Variants in PPME1 observed in about 807,000 individuals in gnomAD.
PPME1 encodes testicular secretory protein Li 39.
PPME1 carries 17 observed loss-of-function variants against 56.9 expected under a neutral mutation model. That is an observed-to-expected ratio of 0.30 (90% confidence interval 0.20 to 0.45). The LOEUF is 0.45. PPME1 is among the 20% of genes least tolerant of loss of function. PPME1 has a pLI of 1.00. For synonymous variants in PPME1, 122 were observed against 156.2 expected (o/e 0.78, Z 1.63); for missense variants, 357 against 483.2 (o/e 0.74, Z 2.45).
chr11:74,249,665 T>C (rs1270182227), intron 11 of PPME1: 1 of 152,172 alleles, frequency 6.6e-6, no homozygotes, highest in African/African-American at 2.4e-5. Flanking sequence ...TTAGGTCTTA[T>C]TAGGGATATA....
At position 74,200,413 on chromosome 11, in the gene PPME1, G is replaced by A. The variant is rs908662335; in HGVS notation, c.102-3315G>A. Among the ~76,000 whole-genome samples, 3 of 139,392 alleles carry A rather than the reference G, an allele frequency of 2.2e-5. No homozygotes were observed. In the Admixed American group the frequency reaches 2.2e-4, roughly 10 times the overall value. The allele number at this position is 139,392 out of a possible 152,430, so 91.4% of individuals were successfully genotyped here. A position where few individuals can be genotyped will look rare whatever the true frequency, so the allele number is the denominator to read the frequency against. Reference sequence around the variant, plus strand: ...TGTGTGTGTGTGTGGACGAAGTCTCGCTCTGTCACCCAGGCTGGAGGGCAG... The same window carrying A: ...TGTGTGTGTGTGTGGACGAAGTCTCACTCTGTCACCCAGGCTGGAGGGCAG... On this transcript the variant is annotated intron_variant, in intron 1 of 13. Transcript: ENST00000328257.
intron 3 of PPME1, among the ~76,000 whole-genome samples, chr11:74,219,741 A>G (rs1261630531): frequency 6.6e-6 from 1 of 152,100 alleles, no homozygotes; most frequent in African/African-American, 2.4e-5. Flanking sequence ...GGCTGGGAAC[A>G]GTAGTGGATG....
intron 3 of PPME1, among the ~76,000 whole-genome samples, chr11:74,214,313 T>C (rs1418047926): frequency 2.0e-5 from 3 of 152,034 alleles, no homozygotes; most frequent in Admixed American, 6.6e-5. Context: ...ACAAAAACAA[T>C]GCAGCACACC....
intron 7 of PPME1, among the ~76,000 whole-genome samples, chr11:74,231,329 C>T (rs1859062117): frequency 6.6e-6 from 1 of 152,242 alleles, no homozygotes. Context: ...AATCAAATTC[C>T]TGGCCTCAAG....
chr11:74,189,019 A>G (rs1857764915), intron 1 of PPME1, among the ~76,000 whole-genome samples: 1 of 152,216 alleles, frequency 6.6e-6, no homozygotes, highest in Admixed American at 6.5e-5. Flanking sequence ...CCTACAAGTA[A>G]CTATTTTCAT....
At chr11:74,251,896 C>G in intron 13 of PPME1, 181 bp downstream of exon 13, 1 of 853,034 alleles carries the variant, frequency 1.2e-6, no homozygotes, top group East Asian at 2.4e-5. Context: ...TTGGTTGTTT[C>G]TTTGTGCTGT....
intron 3 of PPME1, among the ~76,000 whole-genome samples, chr11:74,221,891 G>A (rs1055741793): frequency 1.3e-5 from 2 of 152,054 alleles, no homozygotes; most frequent in Admixed American, 1.3e-4. Flanking sequence ...TTCATGATTT[G>A]ATTGTCATGT....
At chr11:74,227,856 C>T (rs1858970198) in intron 5 of PPME1, among the ~76,000 whole-genome samples, 1 of 151,980 alleles carries the variant, frequency 6.6e-6, no homozygotes, top group African/African-American at 2.4e-5. Flanking sequence ...ATCGTAACTA[C>T]CTTCTACCTG....
At chr11:74,251,138 C>G in intron 12 of PPME1, 120 bp downstream of exon 12, 1 of 1,503,790 alleles carries the variant, frequency 6.6e-7, no homozygotes, top group Non-Finnish European at 8.9e-7. Flanking sequence ...GGAGCCTATG[C>G]AGATGCAGTT....
chr11:74,199,674 T>C (rs1437405270), intron 1 of PPME1, among the ~76,000 whole-genome samples: 1 of 152,198 alleles, frequency 6.6e-6, no homozygotes, highest in African/African-American at 2.4e-5. Flanking sequence ...ACTATATTAG[T>C]CTGTTTTACG....
chr11:74,252,962 G>A (rs1430921754), intron 13 of PPME1, among the ~76,000 whole-genome samples: 6 of 152,180 alleles, frequency 3.9e-5, no homozygotes, highest in Admixed American at 3.3e-4. Context: ...CAACCCTCAT[G>A]AGGAGTCATT....
At chr11:74,211,681 A>C (rs1283533357) in intron 3 of PPME1, among the ~76,000 whole-genome samples, 1 of 152,202 alleles carries the variant, frequency 6.6e-6, no homozygotes, top group Admixed American at 6.5e-5. Flanking sequence ...TGTGCTAGAT[A>C]AAAAATATTT....
chr11:74,224,920 A>T (rs545740451), intron 4 of PPME1, among the ~76,000 whole-genome samples: 1 of 151,548 alleles, frequency 6.6e-6, no homozygotes, highest in South Asian at 2.1e-4. Context: ...TCTTTTCCTA[A>T]TTGAATACCC....
At chr11:74,203,112 T>C (rs1858217057) in intron 1 of PPME1, among the ~76,000 whole-genome samples, 1 of 152,234 alleles carries the variant, frequency 6.6e-6, no homozygotes, top group African/African-American at 2.4e-5. Flanking sequence ...AACTTTTCTC[T>C]ATTACAAACG....
intron 3 of PPME1, chr11:74,205,913 C>A (rs773660057): frequency 6.6e-5 from 10 of 151,956 alleles, no homozygotes; most frequent in Middle Eastern, 3.2e-3. Flanking sequence ...TAAAAAGAAA[C>A]AATAAATTAA....
chr11:74,177,019 A>G (rs561302926), intron 1 of PPME1, among the ~76,000 whole-genome samples: 45 of 151,260 alleles, frequency 3.0e-4, no homozygotes, highest in Non-Finnish European at 4.4e-4. Context: ...GCATGAGCCA[A>G]TTTTTTTTTA....
intron 3 of PPME1, among the ~76,000 whole-genome samples, chr11:74,209,700 T>C (rs1858423091): frequency 6.6e-6 from 1 of 152,224 alleles, no homozygotes; most frequent in Non-Finnish European, 1.5e-5. Flanking sequence ...GCTATTCTTA[T>C]ATTACTCAAT....
In PPME1 at chr11:74,252,380, A is replaced by G. The variant is rs1340459613; in HGVS notation, c.1142+665A>G. On this transcript the variant is annotated intron_variant, in intron 13 of 13. Coordinates refer to ENST00000328257, the MANE Select transcript of PPME1 (RefSeq NM_016147.3). The stretch of plus-strand genomic sequence containing the variant: ...TGGGATTATAGGGATTATAGGCACA[A>G]GCCACCGCGCCTGGCCTAGAGCAGG... The G allele has an allele frequency of 6.6e-6, 3 of 452,666 alleles. No individual in the cohort carries two copies. In the Admixed American group the frequency reaches 7.1e-5, roughly 11 times the overall value. 28.0% of individuals were successfully genotyped at this position (452,666 alleles called of 1,614,324 possible). A position where few individuals can be genotyped will look rare whatever the true frequency, so the allele number is the denominator to read the frequency against.
intron 1 of PPME1, among the ~76,000 whole-genome samples, chr11:74,182,105 A>G (rs932242110): frequency 2.0e-5 from 3 of 152,158 alleles, no homozygotes; most frequent in African/African-American, 7.2e-5. Flanking sequence ...ACTGTCTTGT[A>G]GTAGAAGGAA....
Sources: gnomAD v4.1 joint callset for allele counts (sites outside exome capture counted in the v4.1 genomes callset) on GRCh38, gnomAD v4.1.1 for gene constraint, MANE v1.5 for transcripts, NCBI Gene and HGNC (gene_info 2026-07-23, HGNC 2026-07-21) for gene names.